The following CHN1 variants were observed in gnomAD, a reference collection of about 807,000 sequenced individuals.
CHN1 encodes N-chimaerin.
In CHN1, 37 loss-of-function variants were observed where a neutral mutation model predicts 59.5. The observed-to-expected ratio is 0.62, with a 90% CI of 0.48 to 0.82. The LOEUF is 0.82. CHN1 is among the 40% of genes least tolerant of loss of function. The pLI is 0.00. For synonymous variants in CHN1, 206 were observed against 200.4 expected (o/e 1.03, Z -0.24); for missense variants, 469 against 571.0 (o/e 0.82, Z 1.82).
intron 5 of CHN1, among the ~76,000 whole-genome samples, chr2:174,892,183 T>C (rs1298549940): frequency 6.6e-6 from 1 of 152,142 alleles, no homozygotes; most frequent in Admixed American, 6.5e-5. Context: ...AAAAGAATAA[T>C]TGCCATTCCT....
intron 3 of CHN1, among the ~76,000 whole-genome samples, chr2:174,942,977 G>A (rs1482714789): frequency 6.6e-6 from 1 of 151,946 alleles, no homozygotes; most frequent in Non-Finnish European, 1.5e-5. Flanking sequence ...CTTGAGCTCA[G>A]GAGGTTGAGG....
At chr2:174,957,511 G>T (rs1690250298) in intron 1 of CHN1, among the ~76,000 whole-genome samples, 1 of 144,930 alleles carries the variant, frequency 6.9e-6, no homozygotes. Flanking sequence ...TAACTCAATT[G>T]TATTTTTAAT....
chr2:174,885,291 A>AAT (rs1553480972), intron 5 of CHN1, among the ~76,000 whole-genome samples: 60 of 149,708 alleles, frequency 4.0e-4, no homozygotes, highest in African/African-American at 6.6e-4. Context: ...AAGAAAAAAA[A>AAT]ATATATATAT....
intron 1 of CHN1, among the ~76,000 whole-genome samples, chr2:174,967,318 T>C (rs76614807): frequency 0.035 from 5,316 of 152,208 alleles, 140 homozygotes; most frequent in Middle Eastern, 0.068. Flanking sequence ...ACGACATCAT[T>C]GCACTCTAGC....
At chr2:174,874,746 T>C (rs67358531) in intron 6 of CHN1, among the ~76,000 whole-genome samples, 7,002 of 152,262 alleles carry the variant, frequency 0.046, 235 homozygotes, top group African/African-American at 0.088. Context: ...AAAAATGTTC[T>C]TAATAATGGC....
rs1274697435 is a variant in CHN1, at chr2:174,807,469, T to TGGGTGTGG, written c.1102+1435_1102+1436insCCACACCC. On this transcript the variant is annotated intron_variant, in intron 11 of 12. Transcript: ENST00000409900. ...ATCTGTGTGTGTGTGTGTGTGTGTG[T>TGGGTGTGG]GTGTGTGTGTGTGTGTGTGTGTGTG... Among the ~76,000 whole-genome samples the TGGGTGTGG allele has an allele frequency of 2.1e-5, 3 of 141,454 alleles. No homozygotes were observed. In the South Asian group the frequency reaches 6.9e-4, roughly 33 times the overall value. 92.8% of individuals were successfully genotyped at this position (141,454 alleles called of 152,430 possible). A position where few individuals can be genotyped will look rare whatever the true frequency, so the allele number is the denominator to read the frequency against.
At chr2:174,932,710 A>G (rs572618051) in intron 3 of CHN1, among the ~76,000 whole-genome samples, 2 of 152,226 alleles carry the variant, frequency 1.3e-5, no homozygotes, top group East Asian at 1.9e-4. Context: ...TTTGTAATAG[A>G]GTTCTCACGA....
In CHN1 at chr2:174,932,155, T is replaced by G. The variant is rs1689367586; in HGVS notation, c.114+12733A>C. Among the ~76,000 whole-genome samples, 2 of 152,168 alleles carry G rather than the reference T, an allele frequency of 1.3e-5. 1 individual carries two copies. The highest frequency in any genetic ancestry group is 4.1e-4 in the South Asian group (2 of 4,826). The stretch of plus-strand genomic sequence containing the variant: ...CAGTTACCCTCCTGAGGGATTACTG[T>G]GTGTTAAGGTAGGATAAGTCACTAT... On this transcript the variant is annotated intron_variant, in intron 3 of 12. Transcript: ENST00000409900.
intron 6 of CHN1, among the ~76,000 whole-genome samples, chr2:174,857,254 G>A (rs1003252241): frequency 2.0e-5 from 3 of 152,112 alleles, no homozygotes; most frequent in African/African-American, 4.8e-5. Context: ...AATACTCAGC[G>A]TCCATTTCGT....
At chr2:174,924,056 T>C (rs1689095082) in intron 3 of CHN1, among the ~76,000 whole-genome samples, 1 of 152,174 alleles carries the variant, frequency 6.6e-6, no homozygotes, top group Non-Finnish European at 1.5e-5. Flanking sequence ...CCCTAAAACA[T>C]GCTACATTGG....
rs1225333752 is a variant in CHN1, at chr2:174,945,022, G to A, written c.59-79C>T. 17 of 1,031,900 alleles carry A rather than the reference G, an allele frequency of 1.6e-5. No homozygotes were observed. The East Asian group carries it at 4.2e-4, about 26-fold the overall frequency. The allele number at this position is 1,031,900 out of a possible 1,614,324, so 63.9% of individuals were successfully genotyped here. On this transcript the variant is annotated intron_variant, in intron 2 of 12. Transcript: ENST00000409900. ...ATATATTAGAAATAAAAACCTGGCT[G>A]CTTTTTATGTTCACAAGAAAACTGG...
chr2:174,834,978 C>T (rs935976280), intron 7 of CHN1, among the ~76,000 whole-genome samples: 3 of 152,158 alleles, frequency 2.0e-5, no homozygotes, highest in African/African-American at 2.4e-5. Context: ...CTGTACATTA[C>T]GTGTGGGATG....
At chr2:174,803,162 T>TA (rs1377151065) in intron 11 of CHN1, among the ~76,000 whole-genome samples, 3 of 152,172 alleles carry the variant, frequency 2.0e-5, no homozygotes, top group African/African-American at 4.8e-5. Flanking sequence ...ATGCACAAGA[T>TA]AAAAAATCCT....
intron 1 of CHN1, among the ~76,000 whole-genome samples, chr2:174,989,789 C>T (rs1485714331): frequency 7.9e-6 from 1 of 127,072 alleles, no homozygotes; most frequent in African/African-American, 2.9e-5. Flanking sequence ...AACCCTGTCT[C>T]AAAAAAAAAA....
intron 6 of CHN1, chr2:174,875,861 G>A (rs1158034482): frequency 1.0e-6 from 1 of 982,498 alleles, no homozygotes; most frequent in Non-Finnish European, 1.2e-6. Context: ...CCTGTTGGAT[G>A]ACACCTGTAA....
At chr2:174,895,814 T>G (rs76993107) in intron 5 of CHN1, among the ~76,000 whole-genome samples, 3,909 of 152,268 alleles carry the variant, frequency 0.026, 72 homozygotes, top group Non-Finnish European at 0.036. Context: ...ATGGAAAGTT[T>G]CCATTTTCTC....
At chr2:174,808,785 C>A in intron 11 of CHN1, 120 bp downstream of exon 11, 1 of 1,047,944 alleles carries the variant, frequency 9.5e-7, no homozygotes, top group Non-Finnish European at 1.5e-6. Context: ...GTACATTAAC[C>A]ATAGAGAGAG....
At position 174,809,030 on chromosome 2, in the gene CHN1, G is replaced by C. The variant is rs1171319601; in HGVS notation, c.977C>G (p.Ala326Gly). 6.2e-7 allele frequency: 1 copy of C among 1,606,938 alleles called. No homozygotes were observed. Among genetic ancestry groups the C allele is most frequent in the African/African-American group, 1.3e-5 (1 of 74,780 alleles). ...TTCATACATGTTCACAGAAATATCT[G>C]CCTTCTCACCATCTTTTAAGGATGT... ...KMAFDRDGEK[A>G]DISVNMYEDI... The change falls in exon 11 of 13, where the codon GCA becomes GGA. Residue 326 changes from alanine (A) to glycine (G), a missense_variant. Coordinates refer to ENST00000409900, the MANE Select transcript of CHN1 (RefSeq NM_001822.7).
At chr2:174,885,103 T>C (rs367842712) in intron 5 of CHN1, among the ~76,000 whole-genome samples, 1,854 of 150,520 alleles carry the variant, frequency 0.012, 9 homozygotes, top group Middle Eastern at 0.017. Context: ...CTGGCTAACA[T>C]GGTGAAACCC....
Sources: gnomAD v4.1 joint callset for allele counts (sites outside exome capture counted in the v4.1 genomes callset) on GRCh38, gnomAD v4.1.1 for gene constraint, MANE v1.5 for transcripts, NCBI Gene and HGNC (gene_info 2026-07-23, HGNC 2026-07-21) for gene names.